Variants in UGT1A7 observed in about 807,000 individuals in gnomAD.
UGT1A7 encodes the protein UDP glucuronosyltransferase family 1 member A7.
In UGT1A7, 33 loss-of-function variants were observed where a neutral mutation model predicts 45.6. The observed-to-expected ratio is 0.72, with a 90% CI of 0.55 to 0.97. The LOEUF is 0.97. Among genes scored for constraint, UGT1A7 ranks in the 50% least tolerant of loss-of-function variants. The pLI is 0.00. For missense variants in UGT1A7, 684 were observed against 666.2 expected (o/e 1.03, Z -0.29); for synonymous variants, 274 against 250.6 (o/e 1.09, Z -0.88).
chr2:233,741,051 T>G (rs1437462730), intron 1 of UGT1A7, among the ~76,000 whole-genome samples: 1 of 151,772 alleles, frequency 6.6e-6, no homozygotes, highest in Non-Finnish European at 1.5e-5. Context: ...CTTGCCTAGG[T>G]AACAGCTACA....
At chr2:233,703,465 T>C (rs368098064) in intron 1 of UGT1A7, among the ~76,000 whole-genome samples, 9 of 152,274 alleles carry the variant, frequency 5.9e-5, no homozygotes, top group African/African-American at 2.2e-4. Flanking sequence ...CTCTATTCTT[T>C]ATTATTTTCT....
intron 1 of UGT1A7, among the ~76,000 whole-genome samples, chr2:233,750,429 T>C (rs1273290769): frequency 6.6e-6 from 1 of 151,918 alleles, no homozygotes; most frequent in Non-Finnish European, 1.5e-5. Flanking sequence ...GAAAAACCCA[T>C]TTTATGGGGA....
intron 1 of UGT1A7, chr2:233,691,437 T>C (rs1475657913): frequency 1.0e-6 from 1 of 985,518 alleles, no homozygotes; most frequent in Non-Finnish European, 1.2e-6. Flanking sequence ...TTGCTCAGGC[T>C]TCTTCTCCCT....
intron 1 of UGT1A7, among the ~76,000 whole-genome samples, chr2:233,735,232 C>A (rs1233403714): frequency 6.6e-6 from 1 of 152,064 alleles, no homozygotes; most frequent in Admixed American, 6.5e-5. Context: ...GGATAGTTAG[C>A]TCTTGTTGTT....
chr2:233,714,075 C>T (rs575529005), intron 1 of UGT1A7, among the ~76,000 whole-genome samples: 10 of 151,962 alleles, frequency 6.6e-5, no homozygotes, highest in Non-Finnish European at 8.8e-5. Context: ...GAGGCAGGGA[C>T]GAGGATCTGT....
intron 1 of UGT1A7, chr2:233,760,357 G>T: frequency 6.2e-7 from 1 of 1,614,100 alleles, no homozygotes; most frequent in South Asian, 1.1e-5. Flanking sequence ...GGGCCCAGTG[G>T]TGTCCCATGC....
Position 233,769,397 on chromosome 2 carries a change from A to T in UGT1A7, c.1295+958A>T, listed in dbSNP as rs1699854250. ...TCATCCGACAATAGATACTGTGTGC[A>T]TATGTGCGTGTGCGTTTGTGCATGT... is the stretch of plus-strand genomic sequence containing the variant. On this transcript the variant is annotated intron_variant, in intron 4 of 4. Transcript: ENST00000373426. This position sits in a 1 kb window ranked among gnomAD's most constrained non-coding sequence, Gnocchi z 4.4. 1.7e-6 allele frequency: 2 copies of T among 1,148,656 alleles called. No individual in the cohort carries two copies. Among genetic ancestry groups the T allele is most frequent in the East Asian group, 2.5e-5 (1 of 39,850 alleles). 71.2% of individuals were successfully genotyped at this position (1,148,656 alleles called of 1,614,324 possible).
intron 1 of UGT1A7, among the ~76,000 whole-genome samples, chr2:233,712,676 G>C (rs2076247932): frequency 6.6e-6 from 1 of 152,192 alleles, no homozygotes; most frequent in Admixed American, 6.5e-5. Context: ...AGGAGACAGT[G>C]ACATGAAATG....
At chr2:233,731,192 A>G (rs1451773849) in intron 1 of UGT1A7, among the ~76,000 whole-genome samples, 1 of 152,106 alleles carries the variant, frequency 6.6e-6, no homozygotes, top group African/African-American at 2.4e-5. Context: ...GTAATTATTC[A>G]ATTATAAAAT....
chr2:233,740,221 TC>T (rs1691341111), intron 1 of UGT1A7, among the ~76,000 whole-genome samples: 1 of 151,864 alleles, frequency 6.6e-6, no homozygotes, highest in Non-Finnish European at 1.5e-5. Flanking sequence ...CTCAGCTGCG[TC>T]TTTATAGCAG....
At chr2:233,743,832 T>C in intron 1 of UGT1A7, 4 of 1,367,252 alleles carry the variant, frequency 2.9e-6, no homozygotes, top group South Asian at 2.3e-5. Context: ...GGGTGCCACT[T>C]GAGCGCCAGC....
At chr2:233,721,199 C>A (rs1012504962) in intron 1 of UGT1A7, among the ~76,000 whole-genome samples, 1 of 152,106 alleles carries the variant, frequency 6.6e-6, no homozygotes, top group Non-Finnish European at 1.5e-5. Flanking sequence ...ATTTGTTCTA[C>A]TGGTTTTCTT....
At chr2:233,761,168 G>A in intron 1 of UGT1A7, 1 of 1,614,168 alleles carries the variant, frequency 6.2e-7, no homozygotes, top group Non-Finnish European at 8.5e-7. Context: ...ATTGGAGTGG[G>A]ACTTTTACAT....
At chr2:233,706,013 T>G (rs1292411619) in intron 1 of UGT1A7, among the ~76,000 whole-genome samples, 2 of 152,156 alleles carry the variant, frequency 1.3e-5, no homozygotes, top group Non-Finnish European at 2.9e-5. Context: ...CACTTGCACT[T>G]GGACCTGGGA....
intron 1 of UGT1A7, chr2:233,743,352 C>T (rs987483436): frequency 9.4e-6 from 9 of 961,748 alleles, no homozygotes; most frequent in African/African-American, 1.7e-5. Context: ...TCGACATGGA[C>T]TTGAAGCTGC....
At position 233,681,985 on chromosome 2, in the gene UGT1A7, A is replaced by G; in HGVS notation, c.48A>G (p.Leu16=). 1.2e-6 allele frequency: 2 copies of G among 1,614,106 alleles called. No individual in the cohort carries two copies. The highest frequency in any genetic ancestry group is 1.7e-6 in the Non-Finnish European group (2 of 1,179,994). Residue 16 remains leucine (L), a synonymous_variant, in exon 1 of 5, where the codon CTA becomes CTG. Transcript: ENST00000373426. ...WTGLLPLYVC[L]LLTCGFAKAG... ...GCCTCCTTCCCCTATATGTGTGTCT[A>G]CTGCTGACCTGTGGCTTTGCCAAGG...
chr2:233,767,054 T>C lies in UGT1A7; in HGVS notation c.876T>C (p.Asn292=), dbSNP rs1164851963. ...PVPMEFEAYI[N]ASGEHGIVVF... ...TCTAGGAATTTGAAGCCTACATTAA[T>C]GCTTCTGGAGAACATGGAATTGTGG... is the stretch of plus-strand genomic sequence containing the variant. The change falls in exon 2 of 5, where the codon AAT becomes AAC. Residue 292 remains asparagine, a synonymous_variant. Coordinates refer to ENST00000373426, the MANE Select transcript of UGT1A7 (RefSeq NM_019077.3). The C allele has an allele frequency of 2.5e-6, 4 of 1,614,114 alleles. No homozygotes were observed. Among genetic ancestry groups the C allele is most frequent in the Non-Finnish European group, 2.5e-6 (3 of 1,179,982 alleles).
chr2:233,725,634 A>G (rs2077463990), intron 1 of UGT1A7, among the ~76,000 whole-genome samples: 1 of 152,208 alleles, frequency 6.6e-6, no homozygotes, highest in Non-Finnish European at 1.5e-5. Flanking sequence ...TCTAGCATAT[A>G]TCTGACATTT....
At chr2:233,766,924 A>T (rs985684086) in intron 1 of UGT1A7, 110 bp from the exon 2 acceptor site, 2 of 1,565,450 alleles carry the variant, frequency 1.3e-6, no homozygotes, top group East Asian at 4.5e-5. Context: ...TCAAACACGC[A>T]TGCCTTTAAT....
Sources: gnomAD v4.1 joint callset for allele counts (sites outside exome capture counted in the v4.1 genomes callset) on GRCh38, gnomAD v4.1.1 for gene constraint, Gnocchi (gnomAD v3.1) non-coding constraint, MANE v1.5 for transcripts, NCBI Gene and HGNC (gene_info 2026-07-23, HGNC 2026-07-21) for gene names.